The following POLR3E variants were observed in gnomAD, a reference collection of about 807,000 sequenced individuals.
POLR3E encodes the protein RNA polymerase III subunit E, also known as DNA-directed RNA polymerase III subunit RPC5.
A neutral mutation model predicts 96.6 loss-of-function variants in POLR3E; 41 were observed. That is an observed-to-expected ratio of 0.42 (90% confidence interval 0.33 to 0.55). The LOEUF (loss-of-function observed/expected upper bound fraction) is 0.55. Among genes scored for constraint, POLR3E ranks in the 20% least tolerant of loss-of-function variants. The pLI, the probability that POLR3E is intolerant of heterozygous loss-of-function variation, is 0.06. For synonymous variants in POLR3E, 396 were observed against 383.6 expected (o/e 1.03, Z -0.38); for missense variants, 849 against 952.1 (o/e 0.89, Z 1.43).
chr16:22,332,023 C>G, intron 19 of POLR3E, 37 bp from the exon 20 acceptor site: 1 of 1,601,020 alleles, frequency 6.2e-7, no homozygotes, highest in Non-Finnish European at 8.5e-7. Context: ...CTTTTTAGAT[C>G]ACTGTTTCCC....
intron 6 of POLR3E, among the ~76,000 whole-genome samples, chr16:22,312,388 G>A (rs1055659441): frequency 6.6e-6 from 1 of 152,058 alleles, no homozygotes; most frequent in Non-Finnish European, 1.5e-5. Flanking sequence ...TCCCAGTTAT[G>A]CAGGAGGCTG....
chr16:22,314,795 G>T (rs1265294238), intron 8 of POLR3E: 1 of 243,366 alleles, frequency 4.1e-6, no homozygotes, highest in East Asian at 8.6e-5. Context: ...CTTAGAAAAG[G>T]CATCCTGGGC....
At chr16:22,310,249 T>C (rs1231456561) in intron 6 of POLR3E, 1 of 153,244 alleles carries the variant, frequency 6.5e-6, no homozygotes, top group Non-Finnish European at 1.5e-5. Context: ...AAGCCTAGGC[T>C]AACTCGTATG....
At chr16:22,332,212 A>AAT in intron 20 of POLR3E, 27 bp downstream of exon 20, 1 of 1,603,410 alleles carries the variant, frequency 6.2e-7, no homozygotes, top group Non-Finnish European at 8.5e-7. Flanking sequence ...CATAACAAAC[A>AAT]ATATCAAAGG....
rs1243247733 is a variant in POLR3E at position 22,334,833 on chromosome 16, G to A, written c.*1133G>A. ...AAGAGTAAGCTAGGTTGGATGACAT[G>A]TGAATTTTGGTATCTAGATAAGGCT... is the stretch of plus-strand genomic sequence containing the variant. On this transcript the variant is annotated 3_prime_UTR_variant, in exon 21 of 21. Transcript: ENST00000299853. 1 of 152,212 alleles carries A rather than the reference G, an allele frequency of 6.6e-6. No individual in the cohort carries two copies. The highest frequency in any genetic ancestry group is 6.5e-5 in the Admixed American group (1 of 15,276). The allele number at this position is 152,212 out of a possible 1,614,324, so 9.4% of individuals were successfully genotyped here. A position where few individuals can be genotyped will look rare whatever the true frequency, so the allele number is the denominator to read the frequency against.
In POLR3E at chr16:22,334,934, C is replaced by T. The variant is rs946685564; in HGVS notation, c.*1234C>T. 4.6e-5 allele frequency: 7 copies of T among 152,186 alleles called. No homozygotes were observed. The highest frequency in any genetic ancestry group is 1.7e-4 in the African/African-American group (7 of 41,436). 9.4% of individuals were successfully genotyped at this position (152,186 alleles called of 1,614,324 possible). On this transcript the variant is annotated 3_prime_UTR_variant, in exon 21 of 21. Coordinates refer to ENST00000299853, the MANE Select transcript of POLR3E (RefSeq NM_018119.4). ...TGACGGTCTATGCTATTTCCCCACT[C>T]CCCCCAAAATAAAACATCTAATATT...
intron 8 of POLR3E, 102 bp downstream of exon 8, chr16:22,314,230 G>T: frequency 2.2e-6 from 2 of 909,832 alleles, no homozygotes; most frequent in Non-Finnish European, 3.6e-6. Context: ...GAGCAGACAG[G>T]GCCCATGCTT....
chr16:22,308,260 A>C (rs1308570879), intron 4 of POLR3E, 35 bp downstream of exon 4: 6 of 1,534,070 alleles, frequency 3.9e-6, no homozygotes, highest in Non-Finnish European at 4.5e-6. Flanking sequence ...TGGGGCCGAA[A>C]GAGAGGGTGA....
intron 8 of POLR3E, among the ~76,000 whole-genome samples, chr16:22,314,360 G>A (rs2048312121): frequency 6.6e-6 from 1 of 152,156 alleles, no homozygotes; most frequent in African/African-American, 2.4e-5. Flanking sequence ...GAGTCACCTG[G>A]GAGCAGGAAG....
intron 1 of POLR3E, chr16:22,299,077 CAG>C (rs778682104): frequency 6.6e-6 from 3 of 456,010 alleles, no homozygotes; most frequent in South Asian, 3.1e-5. Context: ...GGAAAGAAAA[CAG>C]AGATGTGGTA....
chr16:22,325,507 G>A, intron 17 of POLR3E: 1 of 608,742 alleles, frequency 1.6e-6, no homozygotes, highest in Non-Finnish European at 2.9e-6. Flanking sequence ...GGTCTCTGAG[G>A]CTCACTCACC....
chr16:22,299,044 C>T (rs1567304389), intron 1 of POLR3E: 1 of 455,946 alleles, frequency 2.2e-6, no homozygotes, highest in Non-Finnish European at 4.4e-6. Context: ...CAGGTAGTTC[C>T]AGATTAAGAT....
In POLR3E at chr16:22,322,764, G is replaced by A; in HGVS notation, c.987-86G>A. 1 of 907,390 alleles carries A rather than the reference G, an allele frequency of 1.1e-6. No homozygotes were observed. Among genetic ancestry groups the A allele is most frequent in the South Asian group, 1.4e-5 (1 of 71,460 alleles). The allele number at this position is 907,390 out of a possible 1,614,324, so 56.2% of individuals were successfully genotyped here. On this transcript the variant is annotated intron_variant, in intron 13 of 20. Coordinates refer to ENST00000299853, the MANE Select transcript of POLR3E (RefSeq NM_018119.4). The surrounding 1 kb of genome is among the most constrained non-coding windows in gnomAD (Gnocchi z 5.2). ...TGTACCCAGCCCACGGTGGAAAGAA[G>A]CATGGACTGGGGCTTGGCCGGGAGG... is the stretch of plus-strand genomic sequence containing the variant.
intron 19 of POLR3E, among the ~76,000 whole-genome samples, chr16:22,330,988 CTTTTTTTTTTTTTTT>C (rs56100056): frequency 6.3e-4 from 32 of 50,728 alleles, no homozygotes; most frequent in South Asian, 4.0e-3. Context: ...ATGAAGCATC[CTTTTTTTTTTTTTTT>C]TTTTTTTTTT....
Position 22,326,000 on chromosome 16 carries a change from C to G in POLR3E, c.1588C>G (p.Leu530Val). ...TTCCCCCAGCGGCCTCCACAGCAAGCTGGCCAACGGGCTGCCTCTCGGGCG... is the reference window on the plus strand; with the variant it reads ...TTCCCCCAGCGGCCTCCACAGCAAGGTGGCCAACGGGCTGCCTCTCGGGCG... Reference protein sequence around the residue: ...DTSPSGLHSKLANGLPLGRAA... With the variant: ...DTSPSGLHSKVANGLPLGRAA... The change falls in exon 18 of 21, where the codon CTG becomes GTG. Residue 530 changes from leucine to valine, a missense_variant. Transcript: ENST00000299853. The G allele has an allele frequency of 6.3e-7, 1 of 1,595,902 alleles. No homozygotes were observed. Among genetic ancestry groups the G allele is most frequent in the South Asian group, 1.1e-5 (1 of 88,922 alleles).
intron 5 of POLR3E, 157 bp from the exon 6 acceptor site, chr16:22,309,271 C>A (rs892527800): frequency 2.8e-5 from 20 of 724,020 alleles, no homozygotes; most frequent in Non-Finnish European, 4.5e-5. Context: ...TTTTCTCATC[C>A]CCAGGCTGCC....
intron 18 of POLR3E, 113 bp downstream of exon 18, chr16:22,326,391 C>A: frequency 2.2e-6 from 2 of 907,806 alleles, no homozygotes; most frequent in South Asian, 2.8e-5. Flanking sequence ...TCTGCTCTCA[C>A]GTGGGCCTAG....
chr16:22,318,876 G>A lies in POLR3E; in HGVS notation c.916G>A (p.Asp306Asn), dbSNP rs779553669. The stretch of plus-strand genomic sequence containing the variant: ...GATGAGCCTCCTGGGCCCCTCCATC[G>A]ATTCCGTGGCTGTTCTGCGGGGCAT... Reference protein sequence around the residue: ...NLMSLLGPSIDSVAVLRGIQK... With the variant: ...NLMSLLGPSINSVAVLRGIQK... The change falls in exon 13 of 21, where the codon GAT (aspartate) becomes AAT (asparagine). Residue 306 changes from aspartate to asparagine, a missense_variant. Transcript: ENST00000299853. The surrounding 1 kb of genome is among the most constrained non-coding windows in gnomAD (Gnocchi z 5.0). The A allele has an allele frequency of 1.2e-6, 2 of 1,613,796 alleles. No homozygotes were observed. The highest frequency in any genetic ancestry group is 1.7e-6 in the Non-Finnish European group (2 of 1,179,806).
At chr16:22,330,263 G>C (rs2048709148) in intron 19 of POLR3E, among the ~76,000 whole-genome samples, 1 of 151,454 alleles carries the variant, frequency 6.6e-6, no homozygotes, top group African/African-American at 2.4e-5. Flanking sequence ...CGCGGTGGTA[G>C]GGGTCGGGGG....
Sources: gnomAD v4.1 joint callset for allele counts (sites outside exome capture counted in the v4.1 genomes callset) on GRCh38, gnomAD v4.1.1 for gene constraint, Gnocchi (gnomAD v3.1) non-coding constraint, MANE v1.5 for transcripts, NCBI Gene and HGNC (gene_info 2026-07-23, HGNC 2026-07-21) for gene names.